The following BMPR1A variants were observed in gnomAD, a reference collection of about 807,000 sequenced individuals.
BMPR1A encodes the protein bone morphogenetic protein receptor type 1A.
In BMPR1A, 7 loss-of-function variants were observed where a neutral mutation model predicts 66.0. The observed-to-expected ratio is 0.11, with a 90% confidence interval of 0.06 to 0.20. BMPR1A has a LOEUF of 0.20. BMPR1A is among the 10% of genes least tolerant of loss of function. The probability of loss-of-function intolerance (pLI) is 1.00; values close to 1 mark genes in which losing one functional copy is unlikely to be tolerated. For synonymous variants in BMPR1A, 200 were observed against 229.7 expected (o/e 0.87, Z 1.17); for missense variants, 408 against 669.1 (o/e 0.61, Z 4.31).
intron 1 of BMPR1A, among the ~76,000 whole-genome samples, chr10:86,797,267 G>T (rs1375470852): frequency 4.3e-5 from 6 of 138,726 alleles, no homozygotes; most frequent in Non-Finnish European, 6.1e-5. Flanking sequence ...GTCTTGCTCT[G>T]TTGTCTGGGC....
intron 1 of BMPR1A, among the ~76,000 whole-genome samples, chr10:86,817,333 G>T (rs1010663301): frequency 1.3e-5 from 2 of 152,020 alleles, no homozygotes; most frequent in African/African-American, 4.8e-5. Context: ...CATATAAGTG[G>T]CATCATTTAG....
intron 2 of BMPR1A, among the ~76,000 whole-genome samples, chr10:86,845,644 A>G (rs1842473409): frequency 6.6e-6 from 1 of 152,108 alleles, no homozygotes; most frequent in Admixed American, 6.6e-5. Context: ...AGACTCCCTC[A>G]TGCCCCATTA....
At chr10:86,790,162 CAAAAAAAAAAAAAAAAAA>C (rs1170317792) in intron 1 of BMPR1A, among the ~76,000 whole-genome samples, 1 of 7,220 alleles carries the variant, frequency 1.4e-4, no homozygotes, top group African/African-American at 4.0e-4. Flanking sequence ...ACTCTGTCTC[CAAAAAAAAAAAAAAAAAA>C]AAAAAAAAAT....
At position 86,790,234 on chromosome 10, in the gene BMPR1A, T is replaced by TATATATAA. The variant is rs1190481905; in HGVS notation, c.-268+33317_-268+33318insATATAAAT. Among the ~76,000 whole-genome samples, 24 of 48,008 alleles carry TATATATAA rather than the reference T, an allele frequency of 5.0e-4. 3 individuals are homozygous for TATATATAA. The highest frequency in any genetic ancestry group is 7.6e-4 in the Non-Finnish European group (18 of 23,668). The allele number at this position is 48,008 out of a possible 152,430, so 31.5% of individuals were successfully genotyped here. ...ATATATATATATATATATATATATA[T>TATATATAA]ATCAAAACCACAATGAGATTCTGCT... On this transcript the variant is annotated intron_variant, in intron 1 of 12. Transcript: ENST00000372037.
intron 1 of BMPR1A, among the ~76,000 whole-genome samples, chr10:86,777,223 G>A (rs145721111): frequency 1.3e-5 from 2 of 152,080 alleles, no homozygotes; most frequent in African/African-American, 4.8e-5. Context: ...ATTAAGAACC[G>A]CAGTTGGTTA....
intron 1 of BMPR1A, among the ~76,000 whole-genome samples, chr10:86,765,454 AGCCTGGGC>A (rs1418881935): frequency 1.4e-5 from 2 of 142,096 alleles, no homozygotes; most frequent in East Asian, 4.5e-4. Context: ...ATTGCACTCC[AGCCTGGGC>A]GACAGAGTAA....
intron 2 of BMPR1A, among the ~76,000 whole-genome samples, chr10:86,845,167 A>C (rs530504320): frequency 6.6e-6 from 1 of 152,326 alleles, no homozygotes; most frequent in East Asian, 1.9e-4. Context: ...TGAGAAAAAG[A>C]CTTACTGGCT....
chr10:86,910,054 C>T (rs556645093), intron 7 of BMPR1A, among the ~76,000 whole-genome samples: 7 of 152,126 alleles, frequency 4.6e-5, no homozygotes, highest in Admixed American at 3.3e-4. Context: ...AGTAGGTGGC[C>T]GGGCGCAGTG....
intron 8 of BMPR1A, among the ~76,000 whole-genome samples, chr10:86,916,069 T>G (rs1254951524): frequency 6.6e-6 from 1 of 152,164 alleles, no homozygotes; most frequent in East Asian, 1.9e-4. Flanking sequence ...TGAAGGTGTT[T>G]AAGTGAGAAA....
intron 3 of BMPR1A, among the ~76,000 whole-genome samples, chr10:86,886,365 G>T (rs1303070045): frequency 6.6e-6 from 1 of 152,210 alleles, no homozygotes; most frequent in Non-Finnish European, 1.5e-5. Flanking sequence ...GTGGAAAATG[G>T]ATTGCAGGGA....
At chr10:86,915,595 G>C (rs1179181635) in intron 8 of BMPR1A, among the ~76,000 whole-genome samples, 1 of 152,066 alleles carries the variant, frequency 6.6e-6, no homozygotes, top group Non-Finnish European at 1.5e-5. Flanking sequence ...TGGACGTGGT[G>C]GCAGATGCCT....
intron 2 of BMPR1A, among the ~76,000 whole-genome samples, chr10:86,843,889 A>G (rs1842452925): frequency 6.6e-6 from 1 of 152,206 alleles, no homozygotes. Context: ...CTAGTTAGGC[A>G]TAAGCTGATC....
chr10:86,839,756 C>T (rs183862101), intron 2 of BMPR1A, among the ~76,000 whole-genome samples: 1 of 151,832 alleles, frequency 6.6e-6, no homozygotes, highest in African/African-American at 2.4e-5. Context: ...TCCCTGGGCT[C>T]AAGCGATCCT....
chr10:86,815,838 T>C lies in BMPR1A; in HGVS notation c.-267-23027T>C, dbSNP rs556505443. On this transcript the variant is annotated intron_variant, in intron 1 of 12. Transcript: ENST00000372037. Reference sequence around the variant, plus strand: ...AATTCCTTTGCTCCTTGATGTTAGATGGGATCAGGTGACTGATGCTGGCCA... The same window carrying C: ...AATTCCTTTGCTCCTTGATGTTAGACGGGATCAGGTGACTGATGCTGGCCA... 2.0e-5 allele frequency among the ~76,000 whole-genome samples: 3 copies of C among 152,302 alleles called. No individual in the cohort carries two copies. The South Asian group carries it at 6.2e-4, about 32-fold the overall frequency.
rs1216592724 is a variant in BMPR1A at position 86,866,684 on chromosome 10, C to T, written c.-152-9183C>T. On this transcript the variant is annotated intron_variant, in intron 2 of 12. Transcript: ENST00000372037. The stretch of plus-strand genomic sequence containing the variant: ...CGGCCAACTCAGGCAAGTTTCTTTG[C>T]GCTTCATTTTTTTTTTTTTCAGAGT... 2.0e-5 allele frequency among the ~76,000 whole-genome samples: 3 copies of T among 150,740 alleles called. No individual in the cohort carries two copies. In the East Asian group the frequency reaches 5.8e-4, roughly 29 times the overall value.
chr10:86,798,706 G>A (rs1259573543), intron 1 of BMPR1A, among the ~76,000 whole-genome samples: 1 of 152,212 alleles, frequency 6.6e-6, no homozygotes, highest in Admixed American at 6.5e-5. Flanking sequence ...ATTGTATTGA[G>A]ATTTTGCCCA....
chr10:86,764,668 A>G (rs951359928), intron 1 of BMPR1A, among the ~76,000 whole-genome samples: 2 of 152,050 alleles, frequency 1.3e-5, no homozygotes, highest in Non-Finnish European at 2.9e-5. Context: ...TTCCTTTCCT[A>G]CTATTTTATC....
chr10:86,819,884 T>C (rs1842096537), intron 1 of BMPR1A, among the ~76,000 whole-genome samples: 1 of 152,212 alleles, frequency 6.6e-6, no homozygotes, highest in South Asian at 2.1e-4. Flanking sequence ...TTTATGTCTG[T>C]AATGTGAATT....
chr10:86,912,530 A>C, intron 8 of BMPR1A, 146 bp downstream of exon 8: 1 of 1,006,552 alleles, frequency 9.9e-7, no homozygotes, highest in East Asian at 2.6e-5. Context: ...GCAGTATTGC[A>C]AGGTGAAATT....
Sources: allele counts gnomAD v4.1 joint callset (sites outside exome capture counted in the v4.1 genomes callset), GRCh38; gene constraint gnomAD v4.1.1; transcripts MANE v1.5; gene names NCBI Gene and HGNC (gene_info 2026-07-23, HGNC 2026-07-21).